Variants in ERBB4 observed in about 807,000 individuals in gnomAD.
ERBB4 encodes receptor tyrosine-protein kinase erbB-4.
In ERBB4, 42 loss-of-function variants were observed where a neutral mutation model predicts 158.0. The observed-to-expected ratio is 0.27, with a 90% CI of 0.21 to 0.34. The LOEUF is 0.34. Ranked by LOEUF, ERBB4 falls within the 10% of genes least tolerant of loss-of-function variation. The pLI is 1.00. For missense variants in ERBB4, 1,333 were observed against 1,624.1 expected (o/e 0.82, Z 3.08); for synonymous variants, 583 against 558.7 (o/e 1.04, Z -0.61).
chr2:211,464,974 TTTTTTTTC>T (rs377728106), intron 20 of ERBB4, among the ~76,000 whole-genome samples: 4,543 of 31,420 alleles, frequency 0.14, 111 homozygotes, highest in South Asian at 0.39. Context: ...TGTTTTTCTT[TTTTTTTTC>T]TTTTTTTTTT....
intron 1 of ERBB4, among the ~76,000 whole-genome samples, chr2:212,267,514 C>T (rs1447991754): frequency 6.6e-6 from 1 of 151,450 alleles, no homozygotes; most frequent in Non-Finnish European, 1.5e-5. Flanking sequence ...TAGAGAAACT[C>T]AGCATTGAAA....
intron 1 of ERBB4, among the ~76,000 whole-genome samples, chr2:212,222,527 T>C (rs1190282142): frequency 6.6e-6 from 1 of 151,578 alleles, no homozygotes; most frequent in African/African-American, 2.4e-5. Flanking sequence ...ATTCTTAACC[T>C]ACTTAACTTT....
chr2:211,739,189 G>A (rs2074707600), intron 5 of ERBB4, among the ~76,000 whole-genome samples: 1 of 151,468 alleles, frequency 6.6e-6, no homozygotes. Context: ...TTTATTGTAG[G>A]GATCTAACAT....
intron 1 of ERBB4, among the ~76,000 whole-genome samples, chr2:212,461,999 C>A (rs773786060): frequency 6.6e-6 from 1 of 152,154 alleles, no homozygotes; most frequent in Non-Finnish European, 1.5e-5. Context: ...ACTGTAAGTG[C>A]AATTAAACTT....
chr2:211,884,903 C>G (rs1215258170), intron 3 of ERBB4, among the ~76,000 whole-genome samples: 1 of 151,808 alleles, frequency 6.6e-6, no homozygotes, highest in Non-Finnish European at 1.5e-5. Flanking sequence ...AAATTAGAGT[C>G]AACAATAGTA....
intron 27 of ERBB4, among the ~76,000 whole-genome samples, chr2:211,384,786 C>T (rs983590907): frequency 4.0e-5 from 6 of 151,838 alleles, no homozygotes; most frequent in African/African-American, 1.5e-4. Context: ...AAACTATCAG[C>T]TTGAATTATA....
chr2:212,142,431 A>G (rs1208705494), intron 1 of ERBB4, among the ~76,000 whole-genome samples: 2 of 151,772 alleles, frequency 1.3e-5, no homozygotes, highest in Non-Finnish European at 2.9e-5. Context: ...TTCCTCATTC[A>G]TTATAACCCA....
rs923949683 is a variant in ERBB4 at position 211,663,660 on chromosome 2, C to T, written c.1871+1663G>A. Among the ~76,000 whole-genome samples, 4 of 152,214 alleles carry T rather than the reference C, an allele frequency of 2.6e-5. No individual in the cohort carries two copies. In the South Asian group the frequency reaches 8.3e-4, roughly 32 times the overall value. ...AAGACACACCAGCCATGCATCCAGA[C>T]TATGGCTCTGTGATCTCACTTTCAT... is the stretch of plus-strand genomic sequence containing the variant. On this transcript the variant is annotated intron_variant, in intron 15 of 27. Transcript: ENST00000342788.
chr2:212,302,752 A>G (rs867284363), intron 1 of ERBB4, among the ~76,000 whole-genome samples: 1 of 151,574 alleles, frequency 6.6e-6, no homozygotes, highest in Admixed American at 6.6e-5. Context: ...CTAAGTAATT[A>G]GTGGGATTTT....
chr2:212,260,079 A>AG (rs1559868041), intron 1 of ERBB4, among the ~76,000 whole-genome samples: 5 of 151,198 alleles, frequency 3.3e-5, no homozygotes, highest in Admixed American at 2.0e-4. Flanking sequence ...AGAAAAAAAA[A>AG]AAAAAAGAAA....
chr2:211,675,645 T>C (rs2072031763), intron 13 of ERBB4, among the ~76,000 whole-genome samples: 1 of 151,478 alleles, frequency 6.6e-6, no homozygotes. Context: ...GTGATTTATA[T>C]GACATGGATT....
chr2:212,494,143 T>C (rs1286037248), intron 1 of ERBB4, among the ~76,000 whole-genome samples: 1 of 151,768 alleles, frequency 6.6e-6, no homozygotes, highest in African/African-American at 2.4e-5. Context: ...AAGGAAAAAA[T>C]TAGTAATACA....
At chr2:212,336,731 C>A (rs1043214195) in intron 1 of ERBB4, among the ~76,000 whole-genome samples, 4 of 152,040 alleles carry the variant, frequency 2.6e-5, no homozygotes, top group African/African-American at 7.2e-5. Context: ...ATTTGAATAA[C>A]AACATTTTAG....
intron 19 of ERBB4, among the ~76,000 whole-genome samples, chr2:211,571,035 C>CTCTTTTTTTTTTTT: frequency 1.2e-5 from 1 of 81,218 alleles, no homozygotes; most frequent in South Asian, 4.7e-4. Flanking sequence ...TCTGAGTACT[C>CTCTTTTTTTTTTTT]TTCTTCTTTT....
intron 2 of ERBB4, among the ~76,000 whole-genome samples, chr2:212,032,114 C>T (rs1445008614): frequency 6.6e-6 from 1 of 152,032 alleles, no homozygotes; most frequent in Non-Finnish European, 1.5e-5. Context: ...AATTTTCAAA[C>T]ATGCCATTTC....
At chr2:211,509,612 C>T (rs374339507) in intron 20 of ERBB4, among the ~76,000 whole-genome samples, 11 of 152,010 alleles carry the variant, frequency 7.2e-5, no homozygotes, top group African/African-American at 2.7e-4. Context: ...CACAATTAAA[C>T]TAGAGACCTT....
intron 1 of ERBB4, among the ~76,000 whole-genome samples, chr2:212,399,602 T>C (rs2106459170): frequency 7.1e-6 from 1 of 140,250 alleles, no homozygotes; most frequent in Non-Finnish European, 1.5e-5. Flanking sequence ...TGGTGTCTTA[T>C]GCCTGTAATC....
rs1330269696 is a variant in ERBB4 at position 211,711,375 on chromosome 2, C to G, written c.1124+675G>C. On this transcript the variant is annotated intron_variant, in intron 9 of 27. Transcript: ENST00000342788. ...TTTAGGGATTAAGTAGTAATATAGA[C>G]AAATAGATAACATACAATGTTAAAA... Among the ~76,000 whole-genome samples, 3 of 152,144 alleles carry G rather than the reference C, an allele frequency of 2.0e-5. No homozygotes were observed. The East Asian group carries it at 5.8e-4, about 29-fold the overall frequency.
chr2:212,191,638 C>CTA (rs1334409806), intron 1 of ERBB4, among the ~76,000 whole-genome samples: 2 of 81,886 alleles, frequency 2.4e-5, no homozygotes, highest in Non-Finnish European at 5.4e-5. Context: ...GTTATGCATG[C>CTA]TATATATAAC....
Sources: gnomAD v4.1 joint callset for allele counts (sites outside exome capture counted in the v4.1 genomes callset) on GRCh38, gnomAD v4.1.1 for gene constraint, MANE v1.5 for transcripts, NCBI Gene and HGNC (gene_info 2026-07-23, HGNC 2026-07-21) for gene names.